PIGN: variants seen among roughly 807,000 people sequenced by gnomAD.
The protein encoded by PIGN is phosphatidylinositol glycan anchor biosynthesis class N.
A neutral mutation model predicts 125.4 loss-of-function variants in PIGN; 117 were observed. The observed-to-expected ratio is 0.93, with a 90% CI of 0.80 to 1.09. The LOEUF (loss-of-function observed/expected upper bound fraction) is 1.09. PIGN is among the 50% of genes least tolerant of loss of function. The probability of loss-of-function intolerance (pLI) is 0.00; values close to 1 mark genes in which losing one functional copy is unlikely to be tolerated. For missense variants in PIGN, 1,075 were observed against 1,094.9 expected, an observed-to-expected ratio of 0.98 and a Z score of 0.26; for synonymous variants, 392 against 377.8, an observed-to-expected ratio of 1.04 and a Z score of -0.44.
intron 30 of PIGN, among the ~76,000 whole-genome samples, chr18:62,062,770 T>G (rs2032230720): frequency 6.6e-6 from 1 of 152,042 alleles, no homozygotes; most frequent in African/African-American, 2.4e-5. Context: ...TCATGGCTAG[T>G]ACCGGGTGGT....
intron 15 of PIGN, 38 bp from the exon 16 acceptor site, chr18:62,113,354 T>G: frequency 6.8e-7 from 1 of 1,476,820 alleles, no homozygotes; most frequent in Non-Finnish European, 9.2e-7. Flanking sequence ...CTAACAGAAA[T>G]AATAAGAAAA....
downstream of PIGN, among the ~76,000 whole-genome samples, chr18:62,036,806 C>A (rs936841558): frequency 7.2e-5 from 11 of 152,198 alleles, no homozygotes; most frequent in African/African-American, 2.7e-4. Flanking sequence ...TCTGGCCACT[C>A]AGCATTCAAC....
At chr18:62,105,114 C>T (rs2034585231) in intron 20 of PIGN, 1 of 152,348 alleles carries the variant, frequency 6.6e-6, no homozygotes, top group Non-Finnish European at 1.5e-5. Flanking sequence ...TTTAGAATAG[C>T]AGAAAATTTA....
intron 30 of PIGN, chr18:62,059,258 G>A (rs1295507694): frequency 2.7e-5 from 4 of 150,412 alleles, no homozygotes; most frequent in South Asian, 2.1e-4. Context: ...GAGATGAGAT[G>A]AGTGAAGGAG....
intron 23 of PIGN, among the ~76,000 whole-genome samples, chr18:62,022,831 T>G (rs1278181519): frequency 6.6e-6 from 1 of 152,230 alleles, no homozygotes; most frequent in Non-Finnish European, 1.5e-5. Flanking sequence ...GGAATTTGTT[T>G]CAAGACCCTC....
chr18:62,108,582 G>C (rs989068632), intron 17 of PIGN, among the ~76,000 whole-genome samples: 3 of 145,208 alleles, frequency 2.1e-5, no homozygotes, highest in African/African-American at 7.5e-5. Flanking sequence ...ATTAATTTTT[G>C]ATATTTTTAA....
chr18:62,104,633 G>A (rs2034569405), intron 20 of PIGN, among the ~76,000 whole-genome samples: 1 of 151,990 alleles, frequency 6.6e-6, no homozygotes, highest in South Asian at 2.1e-4. Context: ...TTGCATATTG[G>A]TATTCTCATA....
At chr18:62,151,222 G>A (rs1016025935) in intron 7 of PIGN, among the ~76,000 whole-genome samples, 1 of 152,154 alleles carries the variant, frequency 6.6e-6, no homozygotes, top group African/African-American at 2.4e-5. Context: ...CATGAGTGGG[G>A]CAAGGGAGGG....
chr18:62,033,340 G>A (rs72938026), intron 23 of PIGN, among the ~76,000 whole-genome samples: 8,127 of 152,270 alleles, frequency 0.053, 276 homozygotes, highest in Non-Finnish European at 0.08. Context: ...AAAGCATACC[G>A]ATAAGAGGCT....
chr18:62,068,444 A>G (rs545203069), intron 30 of PIGN, among the ~76,000 whole-genome samples: 1 of 151,932 alleles, frequency 6.6e-6, no homozygotes. Context: ...CACTCTTTTC[A>G]TTTTGCTAAG....
chr18:62,030,142 G>A (rs7232505), intron 23 of PIGN, among the ~76,000 whole-genome samples: 2,391 of 152,280 alleles, frequency 0.016, 65 homozygotes, highest in African/African-American at 0.055. Context: ...CCAGAATGTC[G>A]GTTAGCATTA....
intron 9 of PIGN, 87 bp downstream of exon 9, chr18:62,146,884 T>C: frequency 7.3e-7 from 1 of 1,377,404 alleles, no homozygotes; most frequent in Non-Finnish European, 1.0e-6. Flanking sequence ...GCAAGACATC[T>C]AATCCTCTCA....
intron 11 of PIGN, among the ~76,000 whole-genome samples, chr18:62,142,750 T>C (rs984776057): frequency 2.0e-5 from 3 of 152,212 alleles, no homozygotes; most frequent in African/African-American, 7.2e-5. Context: ...TTTTTAACAA[T>C]GAAAATTCTG....
intron 5 of PIGN, 73 bp from the exon 6 acceptor site, chr18:62,157,300 A>T (rs2036773757): frequency 1.4e-6 from 1 of 724,314 alleles, no homozygotes; most frequent in Non-Finnish European, 2.3e-6. Flanking sequence ...TATTCTTCAA[A>T]TAATAACAAT....
At chr18:62,131,462 A>G (rs1473252966) in intron 14 of PIGN, among the ~76,000 whole-genome samples, 1 of 151,966 alleles carries the variant, frequency 6.6e-6, no homozygotes, top group Non-Finnish European at 1.5e-5. Context: ...CCTTTTACAG[A>G]TGGGTGATCC....
chr18:62,167,238 A>C (rs556627430), intron 1 of PIGN, among the ~76,000 whole-genome samples: 50 of 136,050 alleles, frequency 3.7e-4, no homozygotes, highest in African/African-American at 1.2e-3. Context: ...CTCTCTCTAT[A>C]TATATATACA....
At chr18:62,136,130 T>A (rs2035924525) in intron 14 of PIGN, 1 of 152,112 alleles carries the variant, frequency 6.6e-6, no homozygotes, top group Admixed American at 6.5e-5. Flanking sequence ...CATTAACAAA[T>A]CTCAATTCTA....
intron 12 of PIGN, among the ~76,000 whole-genome samples, chr18:62,139,696 T>C (rs1416884830): frequency 6.6e-6 from 1 of 152,204 alleles, no homozygotes; most frequent in Non-Finnish European, 1.5e-5. Context: ...TACAGCATGT[T>C]AGGTTTATAA....
intron 4 of PIGN, among the ~76,000 whole-genome samples, chr18:62,158,799 A>T (rs1020197075): frequency 2.6e-5 from 4 of 152,242 alleles, no homozygotes; most frequent in African/African-American, 9.6e-5. Context: ...AAACCACTGG[A>T]CCAAATATTA....
Sources: allele counts gnomAD v4.1 joint callset (sites outside exome capture counted in the v4.1 genomes callset), GRCh38; gene constraint gnomAD v4.1.1; transcripts MANE v1.5; gene names NCBI Gene and HGNC (gene_info 2026-07-23, HGNC 2026-07-21).